The following NPAS2 variants were observed in gnomAD, a reference collection of about 807,000 sequenced individuals.
The protein encoded by NPAS2 is neuronal PAS domain-containing protein 2.
Under a neutral mutation model 107.5 loss-of-function variants are expected in NPAS2, and 23 were observed. That is an observed-to-expected ratio of 0.21 (90% CI 0.15 to 0.30). NPAS2 has a LOEUF of 0.30. Among genes scored for constraint, NPAS2 ranks in the 10% least tolerant of loss-of-function variants. The pLI is 1.00. For synonymous variants in NPAS2, 403 were observed against 417.5 expected (o/e 0.97, Z 0.42); for missense variants, 756 against 1,043.3 (o/e 0.72, Z 3.79).
intron 1 of NPAS2, among the ~76,000 whole-genome samples, chr2:100,872,480 A>G (rs563103621): frequency 6.6e-6 from 1 of 152,356 alleles, no homozygotes; most frequent in South Asian, 2.1e-4. Context: ...GGAAATCATA[A>G]TAACAAACTT....
intron 5 of NPAS2, among the ~76,000 whole-genome samples, chr2:100,947,001 A>G (rs908099068): frequency 6.6e-6 from 1 of 152,196 alleles, no homozygotes; most frequent in African/African-American, 2.4e-5. Context: ...GCCGATGTTC[A>G]GGACATGTAT....
intron 1 of NPAS2, among the ~76,000 whole-genome samples, chr2:100,828,753 A>G (rs1676544885): frequency 6.6e-6 from 1 of 152,166 alleles, no homozygotes; most frequent in African/African-American, 2.4e-5. Flanking sequence ...CCATTGGTAT[A>G]TGTGCCTGTT....
intron 1 of NPAS2, among the ~76,000 whole-genome samples, chr2:100,892,629 G>C (rs1367775094): frequency 2.6e-5 from 4 of 152,224 alleles, no homozygotes; most frequent in Non-Finnish European, 4.4e-5. Context: ...AGAATGCGAT[G>C]AGAACTCCCT....
chr2:100,991,741 T>TTTTG (rs201799312), intron 19 of NPAS2, among the ~76,000 whole-genome samples: 2,110 of 152,258 alleles, frequency 0.014, 60 homozygotes, highest in African/African-American at 0.048. Context: ...CTCGGTCTTT[T>TTTTG]TTTGTTTGTT....
chr2:100,906,981 A>G (rs911041133), intron 2 of NPAS2, among the ~76,000 whole-genome samples: 2 of 152,184 alleles, frequency 1.3e-5, no homozygotes, highest in African/African-American at 4.8e-5. Context: ...CCAGACCACA[A>G]GAGGCTTTTC....
chr2:100,983,546 G>A (rs574042813), intron 16 of NPAS2: 1 of 152,498 alleles, frequency 6.6e-6, no homozygotes, highest in South Asian at 2.1e-4. Context: ...TTAAAGAGAA[G>A]AGCCCCGCCC....
At chr2:100,985,119 A>T (rs1313547218) in intron 16 of NPAS2, 1 of 152,006 alleles carries the variant, frequency 6.6e-6, no homozygotes, top group Non-Finnish European at 1.5e-5. Context: ...TGGTTCATCC[A>T]TCCATCTATC....
chr2:100,873,770 G>C (rs78170034), intron 1 of NPAS2, among the ~76,000 whole-genome samples: 4,614 of 152,138 alleles, frequency 0.03, 115 homozygotes, highest in African/African-American at 0.057. Flanking sequence ...TGCTGCACAG[G>C]TGTAATGGAT....
Position 100,974,721 on chromosome 2 carries a change from G to A in NPAS2, c.1141-82G>A, listed in dbSNP as rs902458895. 13 of 1,465,254 alleles carry A rather than the reference G, an allele frequency of 8.9e-6. No individual in the cohort carries two copies. In the East Asian group the frequency reaches 2.5e-4, roughly 28 times the overall value. The allele number at this position is 1,465,254 out of a possible 1,614,324, so 90.8% of individuals were successfully genotyped here. A position where few individuals can be genotyped will look rare whatever the true frequency, so the allele number is the denominator to read the frequency against. On this transcript the variant is annotated intron_variant, in intron 12 of 20. Coordinates refer to ENST00000335681, the MANE Select transcript of NPAS2 (RefSeq NM_002518.4). ...TGTCTCAGCAGCTTCTGAGGTTGTC[G>A]ACATATTTAGAACTAAAGTCACGCC...
At chr2:100,948,686 A>G (rs1049182096) in intron 6 of NPAS2, among the ~76,000 whole-genome samples, 5 of 152,350 alleles carry the variant, frequency 3.3e-5, no homozygotes, top group African/African-American at 9.6e-5. Flanking sequence ...CAATCAGCTC[A>G]TCATGGAGGA....
intron 1 of NPAS2, among the ~76,000 whole-genome samples, chr2:100,865,766 G>A (rs992581995): frequency 1.3e-5 from 2 of 152,102 alleles, no homozygotes; most frequent in Admixed American, 1.3e-4. Context: ...GCTCTGTCCA[G>A]GAAGGACAAC....
Position 100,965,611 on chromosome 2 carries a change from C to T in NPAS2, c.801-49C>T. The T allele has an allele frequency of 7.8e-7, 1 of 1,289,784 alleles. No individual in the cohort carries two copies. The highest frequency in any genetic ancestry group is 2.3e-5 in the East Asian group (1 of 42,672). 79.9% of individuals were successfully genotyped at this position (1,289,784 alleles called of 1,614,324 possible). A position where few individuals can be genotyped will look rare whatever the true frequency, so the allele number is the denominator to read the frequency against. ...AAAGGCATGGCCACCAGGGTGAGCC[C>T]TGCAGGGTGTCTCCTCCCTGATGAC... On this transcript the variant is annotated intron_variant, in intron 9 of 20. Coordinates refer to ENST00000335681, the MANE Select transcript of NPAS2 (RefSeq NM_002518.4). This position sits in a 1 kb window ranked among gnomAD's most constrained non-coding sequence, Gnocchi z 4.3.
intron 2 of NPAS2, among the ~76,000 whole-genome samples, chr2:100,923,678 TG>T (rs2104886225): frequency 6.6e-6 from 1 of 152,290 alleles, no homozygotes; most frequent in East Asian, 1.9e-4. Context: ...CAATGTTTTA[TG>T]GGCCTGGCCT....
In NPAS2 at chr2:100,820,590, T is replaced by A. The variant is rs768982071; in HGVS notation, c.-23+176T>A. Reference sequence around the variant, plus strand: ...GGACGCGGGGGCGCGGAGAGGTGGGTTCCCCTCCACAGTCAGGCCGCTGGG... The same window carrying A: ...GGACGCGGGGGCGCGGAGAGGTGGGATCCCCTCCACAGTCAGGCCGCTGGG... On this transcript the variant is annotated intron_variant, in intron 1 of 20. Coordinates refer to ENST00000335681, the MANE Select transcript of NPAS2 (RefSeq NM_002518.4). The surrounding 1 kb of genome is among the most constrained non-coding windows in gnomAD (Gnocchi z 5.6). Among the ~76,000 whole-genome samples the A allele has an allele frequency of 7.8e-4, 119 of 151,776 alleles. No homozygotes were observed. Among genetic ancestry groups the A allele is most frequent in the Non-Finnish European group, 1.2e-3 (82 of 67,890 alleles).
In NPAS2 at chr2:100,931,904, G is replaced by T. The variant is rs183490699; in HGVS notation, c.182-1006G>T. On this transcript the variant is annotated intron_variant, in intron 3 of 20. Transcript: ENST00000335681. ...GTAAGAGAGATTATCAAAAACACAG[G>T]CACAAAGGAGAGAGCCTTGAAATCT... Among the ~76,000 whole-genome samples, 105 of 152,154 alleles carry T rather than the reference G, an allele frequency of 6.9e-4. 1 individual carries two copies. Among genetic ancestry groups the T allele is most frequent in the African/African-American group, 2.5e-3 (102 of 41,546 alleles).
chr2:100,821,633 G>C (rs1025647873), intron 1 of NPAS2, among the ~76,000 whole-genome samples: 3 of 152,176 alleles, frequency 2.0e-5, no homozygotes, highest in African/African-American at 7.2e-5. Flanking sequence ...ATCTCTGCCA[G>C]CATCTCTCTC....
chr2:100,820,069 A>AGGGAGGAGGGTG (rs1558776774), upstream of NPAS2: 1 of 142,916 alleles, frequency 7.0e-6, no homozygotes, highest in African/African-American at 2.5e-5. The surrounding 1 kb of genome is among the most constrained non-coding windows in gnomAD (Gnocchi z 5.6). Context: ...GGGGAGGTGG[A>AGGGAGGAGGGTG]GAGGGAGGAG....
intron 7 of NPAS2, among the ~76,000 whole-genome samples, chr2:100,952,696 G>A (rs1675305103): frequency 6.6e-6 from 1 of 151,882 alleles, no homozygotes; most frequent in African/African-American, 2.4e-5. Context: ...GAAGCATCCT[G>A]TCATTTACCA....
intron 1 of NPAS2, among the ~76,000 whole-genome samples, chr2:100,868,768 A>T (rs1032082580): frequency 2.6e-5 from 4 of 152,204 alleles, no homozygotes; most frequent in Non-Finnish European, 5.9e-5. Context: ...TAACCAATCT[A>T]TTGGGGTTTT....
Sources: gnomAD v4.1 joint callset for allele counts (sites outside exome capture counted in the v4.1 genomes callset) on GRCh38, gnomAD v4.1.1 for gene constraint, Gnocchi (gnomAD v3.1) non-coding constraint, MANE v1.5 for transcripts, NCBI Gene and HGNC (gene_info 2026-07-23, HGNC 2026-07-21) for gene names.